PCLO: variants seen among roughly 807,000 people sequenced by gnomAD.
The protein encoded by PCLO is protein piccolo.
Under a neutral mutation model 427.5 loss-of-function variants are expected in PCLO, and 82 were observed. The observed-to-expected ratio is 0.19, with a 90% CI of 0.16 to 0.23. The LOEUF (loss-of-function observed/expected upper bound fraction) is 0.23. Ranked by LOEUF, PCLO falls within the 10% of genes least tolerant of loss-of-function variation. The probability of loss-of-function intolerance (pLI) is 1.00; values close to 1 mark genes in which losing one functional copy is unlikely to be tolerated. For missense variants in PCLO, 6,239 were observed against 6,115.9 expected (o/e 1.02, Z -0.67); for synonymous variants, 2,357 against 2,155.4 (o/e 1.09, Z -2.59).
rs1220825714 is a variant in PCLO, at chr7:83,155,437, C to G, written c.1204G>C (p.Ala402Pro). ...GGCTTTGCTGGCCCTGGCTGTTGAG[C>G]TGGAGTCTTTCCAACTCCAGGAGGC... is the stretch of plus-strand genomic sequence containing the variant. Reference protein sequence around the residue: ...AQPPGVGKTPAQQPGPAKPPT... With the variant: ...AQPPGVGKTPPQQPGPAKPPT... The change falls in exon 2 of 25, where the codon GCT becomes CCT. Residue 402 changes from alanine to proline, a missense_variant. By Grantham distance (27) the Ala-to-Pro change is conservative. This residue lies in a region of PCLO where 4,677 missense variants were observed against 4,468.4 expected (regional missense o/e 1.05). Coordinates refer to ENST00000333891, the MANE Select transcript of PCLO (RefSeq NM_033026.6). 1 of 1,613,744 alleles carries G rather than the reference C, an allele frequency of 6.2e-7. No homozygotes were observed. The highest frequency in any genetic ancestry group is 1.7e-5 in the Admixed American group (1 of 59,996).
chr7:82,955,522 T>C lies in PCLO; in HGVS notation c.5431A>G (p.Lys1811Glu), dbSNP rs1795490343. Residue 1811 changes from lysine to glutamate, a missense_variant, in exon 5 of 25, where the codon AAA (lysine) becomes GAA (glutamate). By Grantham distance (56) the Lys-to-Glu change is moderately conservative (BLOSUM62 1). This residue lies in a region of PCLO where 4,677 missense variants were observed against 4,468.4 expected (regional missense o/e 1.05). Coordinates refer to ENST00000333891, the MANE Select transcript of PCLO (RefSeq NM_033026.6). ...KSSSKKSKKD[K>E]DELRAQRRRE... ...CTTCTCTGAGCTCGAAGTTCATCTT[T>C]GTCTTTCTTTGATTTTTTACTAGAA... is the stretch of plus-strand genomic sequence containing the variant. 2 of 1,613,794 alleles carry C rather than the reference T, an allele frequency of 1.2e-6. No homozygotes were observed. The highest frequency in any genetic ancestry group is 1.7e-6 in the Non-Finnish European group (2 of 1,179,872).
intron 22 of PCLO, among the ~76,000 whole-genome samples, chr7:82,768,719 A>C (rs1265768048): frequency 2.6e-5 from 4 of 152,024 alleles, no homozygotes; most frequent in African/African-American, 9.7e-5. Context: ...GCAATTCTTA[A>C]ATCACTTTCT....
intron 7 of PCLO, among the ~76,000 whole-genome samples, chr7:82,911,599 C>G (rs1794323143): frequency 6.6e-6 from 1 of 151,914 alleles, no homozygotes; most frequent in Non-Finnish European, 1.5e-5. Flanking sequence ...TTTAAAAAGA[C>G]AGTATATACT....
At chr7:82,948,315 G>A (rs1400474742) in intron 6 of PCLO, among the ~76,000 whole-genome samples, 1 of 150,276 alleles carries the variant, frequency 6.7e-6, no homozygotes, top group Non-Finnish European at 1.5e-5. Flanking sequence ...ACGTAATAAC[G>A]CAATTCTACT....
chr7:83,089,909 T>C (rs1353381008), intron 3 of PCLO, among the ~76,000 whole-genome samples: 1 of 152,214 alleles, frequency 6.6e-6, no homozygotes, highest in Admixed American at 6.5e-5. Flanking sequence ...TTTCAGTTCA[T>C]GAGTATCCAG....
At chr7:82,780,611 G>T (rs1211269668) in intron 22 of PCLO, among the ~76,000 whole-genome samples, 1 of 152,150 alleles carries the variant, frequency 6.6e-6, no homozygotes, top group African/African-American at 2.4e-5. Flanking sequence ...GCGGTGGCGC[G>T]ATCTCCGCTC....
chr7:82,815,917 T>A (rs1046600675), intron 20 of PCLO, among the ~76,000 whole-genome samples: 4 of 152,300 alleles, frequency 2.6e-5, no homozygotes, highest in Admixed American at 1.3e-4. Flanking sequence ...TGGTTAGATC[T>A]ACGTCATTCC....
In PCLO at chr7:83,095,488, A is replaced by AT. The variant is rs879637236; in HGVS notation, c.3300+38761dup. 2.2e-3 allele frequency among the ~76,000 whole-genome samples: 322 copies of AT among 148,854 alleles called. 3 individuals are homozygous for AT. Among genetic ancestry groups the AT allele is most frequent in the African/African-American group, 7.1e-3 (286 of 40,538 alleles). On this transcript the variant is annotated intron_variant, in intron 3 of 24. Coordinates refer to ENST00000333891, the MANE Select transcript of PCLO (RefSeq NM_033026.6). ...ACTTGCTTTTGATTTATTTTGCTCT[A>AT]TTTTTTTTAGGTTCTTAAGGTAGGA...
At chr7:82,833,054 T>A (rs1464398477) in intron 16 of PCLO, among the ~76,000 whole-genome samples, 2 of 152,160 alleles carry the variant, frequency 1.3e-5, no homozygotes, top group Non-Finnish European at 2.9e-5. Flanking sequence ...ACATAGTCTG[T>A]GCTAAGTAAA....
intron 9 of PCLO, among the ~76,000 whole-genome samples, chr7:82,900,385 C>T (rs1175560233): frequency 6.6e-6 from 1 of 151,714 alleles, no homozygotes; most frequent in South Asian, 2.1e-4. Context: ...ATTGCCTATA[C>T]ATATATAACA....
intron 17 of PCLO, 48 bp downstream of exon 17, chr7:82,827,825 G>A (rs1791984871): frequency 2.9e-6 from 3 of 1,031,194 alleles, no homozygotes; most frequent in African/African-American, 3.2e-5. Flanking sequence ...TGTTATCACT[G>A]TACTTATATT....
chr7:83,144,856 T>A (rs938943102), intron 2 of PCLO, among the ~76,000 whole-genome samples: 2 of 152,188 alleles, frequency 1.3e-5, no homozygotes, highest in Non-Finnish European at 2.9e-5. Context: ...GCTACTTGAT[T>A]TCTTTAAGTT....
At chr7:82,851,809 G>C (rs1260884810) in intron 10 of PCLO, among the ~76,000 whole-genome samples, 1 of 152,080 alleles carries the variant, frequency 6.6e-6, no homozygotes, top group Non-Finnish European at 1.5e-5. Context: ...CTCCCCTGGC[G>C]GACTCAACAG....
rs1790586422 is a variant in PCLO, at chr7:83,096,989, A to AT, written c.3300+37260_3300+37261insA. Among the ~76,000 whole-genome samples, 3 of 38,500 alleles carry AT rather than the reference A, an allele frequency of 7.8e-5. 1 individual carries two copies. Among genetic ancestry groups the AT allele is most frequent in the South Asian group, 1.2e-3 (2 of 1,664 alleles). 25.3% of individuals were successfully genotyped at this position (38,500 alleles called of 152,430 possible). ...ATAATATATTATATATTATATAAATAATATATATTATATAAATAATATATA... is the reference window on the plus strand; with the variant it reads ...ATAATATATTATATATTATATAAATATATATATATTATATAAATAATATATA... On this transcript the variant is annotated intron_variant, in intron 3 of 24. Transcript: ENST00000333891.
intron 10 of PCLO, among the ~76,000 whole-genome samples, chr7:82,863,382 CAA>C (rs1793012644): frequency 1.3e-5 from 2 of 151,860 alleles, no homozygotes; most frequent in South Asian, 2.1e-4. Context: ...AATTATGTGT[CAA>C]GTTATTTCAT....
At position 82,998,517 on chromosome 7, in the gene PCLO, G is replaced by A. The variant is rs187217919; in HGVS notation, c.3301-32030C>T. On this transcript the variant is annotated intron_variant, in intron 3 of 24. Coordinates refer to ENST00000333891, the MANE Select transcript of PCLO (RefSeq NM_033026.6). ...GAAAGGAAATAGCCAACTCCAGCCA[G>A]CTCTAGACTTCCACATGGGAAAAGA... Among the ~76,000 whole-genome samples the A allele has an allele frequency of 5.3e-5, 8 of 151,984 alleles. No homozygotes were observed. In the Admixed American group the frequency reaches 5.3e-4, roughly 10 times the overall value.
At chr7:82,781,106 AAAAT>A (rs770165478) in intron 22 of PCLO, among the ~76,000 whole-genome samples, 3 of 152,074 alleles carry the variant, frequency 2.0e-5, no homozygotes, top group East Asian at 1.9e-4. Context: ...AGTAATTTTG[AAAAT>A]AAATAAATTA....
At chr7:83,065,050 G>C (rs867376209) in intron 3 of PCLO, among the ~76,000 whole-genome samples, 148 of 64,600 alleles carry the variant, frequency 2.3e-3, no homozygotes, top group Non-Finnish European at 3.3e-3. Context: ...TGCAAAGCTT[G>C]GGTTCCAAAA....
At chr7:83,022,804 C>T (rs1233820506) in intron 3 of PCLO, among the ~76,000 whole-genome samples, 2 of 151,984 alleles carry the variant, frequency 1.3e-5, no homozygotes, top group East Asian at 3.9e-4. Context: ...GCAATAGCTC[C>T]TAAGTGCCTC....
Sources: allele counts gnomAD v4.1 joint callset (sites outside exome capture counted in the v4.1 genomes callset), GRCh38; gene constraint gnomAD v4.1.1; regional missense constraint gnomAD v4.1.1; transcripts MANE v1.5; gene names NCBI Gene and HGNC (gene_info 2026-07-23, HGNC 2026-07-21).